Variants in SLC4A10 observed in about 807,000 individuals in gnomAD.
SLC4A10 encodes solute carrier family 4 member 10.
A neutral mutation model predicts 137.7 loss-of-function variants in SLC4A10; 42 were observed. That is an observed-to-expected ratio of 0.30 (90% CI 0.24 to 0.39). SLC4A10 has a LOEUF of 0.39. Ranked by LOEUF, SLC4A10 falls within the 10% of genes least tolerant of loss-of-function variation. The pLI, the probability that SLC4A10 is intolerant of heterozygous loss-of-function variation, is 1.00. For synonymous variants in SLC4A10, 474 were observed against 464.1 expected (o/e 1.02, Z -0.27); for missense variants, 925 against 1,355.0 (o/e 0.68, Z 4.98).
intron 1 of SLC4A10, among the ~76,000 whole-genome samples, chr2:161,758,019 A>T (rs2049855202): frequency 6.6e-6 from 1 of 151,894 alleles, no homozygotes; most frequent in African/African-American, 2.4e-5. Flanking sequence ...CTCATGTCTC[A>T]TTTCAAATCT....
intron 1 of SLC4A10, among the ~76,000 whole-genome samples, chr2:161,626,192 G>T (rs1267757175): frequency 3.9e-5 from 6 of 152,030 alleles, no homozygotes; most frequent in African/African-American, 1.2e-4. Context: ...CAGTGGGGGT[G>T]GGGTGGGGTG....
chr2:161,628,339 T>A (rs2032855601), intron 1 of SLC4A10, among the ~76,000 whole-genome samples: 1 of 152,076 alleles, frequency 6.6e-6, no homozygotes, highest in Non-Finnish European at 1.5e-5. Flanking sequence ...AGCTTACTCA[T>A]AACATTTCCC....
At chr2:161,829,216 T>C (rs1218955482) in intron 3 of SLC4A10, among the ~76,000 whole-genome samples, 1 of 152,144 alleles carries the variant, frequency 6.6e-6, no homozygotes, top group African/African-American at 2.4e-5. Flanking sequence ...TCTTACATTG[T>C]CTGTTATTAT....
At chr2:161,741,731 A>T (rs555426929) in intron 1 of SLC4A10, among the ~76,000 whole-genome samples, 1 of 152,258 alleles carries the variant, frequency 6.6e-6, no homozygotes, top group South Asian at 2.1e-4. Context: ...TACATGAGGT[A>T]TTTTGATGCA....
intron 21 of SLC4A10, among the ~76,000 whole-genome samples, chr2:161,962,997 A>C (rs1172023056): frequency 4.6e-5 from 7 of 152,190 alleles, no homozygotes; most frequent in African/African-American, 7.2e-5. Flanking sequence ...GTTACTGTAG[A>C]GATGGCATGA....
intron 4 of SLC4A10, among the ~76,000 whole-genome samples, chr2:161,840,789 T>C (rs1001042344): frequency 6.6e-6 from 1 of 152,356 alleles, no homozygotes; most frequent in Admixed American, 6.5e-5. Flanking sequence ...ACCAATCACC[T>C]GGAATATTGT....
intron 1 of SLC4A10, among the ~76,000 whole-genome samples, chr2:161,652,681 T>C (rs1452492746): frequency 1.3e-5 from 2 of 152,150 alleles, no homozygotes; most frequent in African/African-American, 4.8e-5. Context: ...CAATGTTGGG[T>C]AGCAGATGCC....
At chr2:161,852,754 G>A (rs2059902566) in intron 4 of SLC4A10, among the ~76,000 whole-genome samples, 1 of 152,056 alleles carries the variant, frequency 6.6e-6, no homozygotes, top group African/African-American at 2.4e-5. Flanking sequence ...AGGCTCTGGA[G>A]AAAAACAAAA....
intron 1 of SLC4A10, among the ~76,000 whole-genome samples, chr2:161,742,443 T>C (rs1395683975): frequency 3.2e-4 from 45 of 141,824 alleles, no homozygotes; most frequent in East Asian, 1.0e-3. Flanking sequence ...TTCTTTCTTT[T>C]TTTTTTTTTT....
At chr2:161,876,576 G>A (rs997291693) in intron 8 of SLC4A10, among the ~76,000 whole-genome samples, 2 of 152,050 alleles carry the variant, frequency 1.3e-5, no homozygotes, top group African/African-American at 4.8e-5. Flanking sequence ...TACTCAGAAG[G>A]CTGAAATGGA....
At position 161,821,016 on chromosome 2, in the gene SLC4A10, T is replaced by C. The variant is rs116676195; in HGVS notation, c.277+16421T>C. Among the ~76,000 whole-genome samples the C allele has an allele frequency of 5.2e-3, 792 of 152,356 alleles. 4 individuals carry two copies. Among genetic ancestry groups the C allele is most frequent in the Non-Finnish European group, 8.5e-3 (577 of 68,026 alleles). On this transcript the variant is annotated intron_variant, in intron 3 of 26. Transcript: ENST00000446997. ...GTAATTATATCTTATTGTTTTAATTTATATTTCTTGATTACCAATGAAATT... is the reference window on the plus strand; with the variant it reads ...GTAATTATATCTTATTGTTTTAATTCATATTTCTTGATTACCAATGAAATT...
At chr2:161,830,820 A>G (rs1256680447) in intron 3 of SLC4A10, among the ~76,000 whole-genome samples, 2 of 152,190 alleles carry the variant, frequency 1.3e-5, no homozygotes, top group Non-Finnish European at 2.9e-5. Flanking sequence ...TAGATGCAAA[A>G]TCAATTATTG....
Position 161,881,104 on chromosome 2 carries a change from G to A in SLC4A10, c.1107-1253G>A, listed in dbSNP as rs539815577. ...AAAGGTGAAAAATGGAAGATTAGTT[G>A]GACAAACAAAATAAAGAAAGCCATT... On this transcript the variant is annotated intron_variant, in intron 9 of 26. Coordinates refer to ENST00000446997, the MANE Select transcript of SLC4A10 (RefSeq NM_001178015.2). Among the ~76,000 whole-genome samples the A allele has an allele frequency of 8.6e-5, 13 of 152,008 alleles. No homozygotes were observed. In the South Asian group the frequency reaches 2.5e-3, roughly 29 times the overall value.
chr2:161,774,784 A>G (rs376996313), intron 2 of SLC4A10, among the ~76,000 whole-genome samples: 1 of 151,910 alleles, frequency 6.6e-6, no homozygotes, highest in African/African-American at 2.4e-5. Context: ...CCCTGTACCA[A>G]ACAAATTCTG....
chr2:161,702,014 A>G (rs2043174042), intron 1 of SLC4A10, among the ~76,000 whole-genome samples: 1 of 151,942 alleles, frequency 6.6e-6, no homozygotes. Context: ...TCAAAAACTA[A>G]AAATAGAACT....
intron 1 of SLC4A10, among the ~76,000 whole-genome samples, chr2:161,744,712 G>T (rs1484098083): frequency 1.3e-5 from 2 of 152,080 alleles, no homozygotes; most frequent in African/African-American, 2.4e-5. Flanking sequence ...GAAAAGCAAA[G>T]AGAAAACTAA....
Position 161,983,057 on chromosome 2 carries a change from G to C in SLC4A10, c.*27-122G>C, listed in dbSNP as rs548729882. 27 of 758,024 alleles carry C rather than the reference G, an allele frequency of 3.6e-5. 1 individual carries two copies. The highest frequency in any genetic ancestry group is 3.3e-4 in the South Asian group (18 of 55,080). 47.0% of individuals were successfully genotyped at this position (758,024 alleles called of 1,614,324 possible). On this transcript the variant is annotated intron_variant, in intron 26 of 26. Coordinates refer to ENST00000446997, the MANE Select transcript of SLC4A10 (RefSeq NM_001178015.2). ...TCTATCTGTGCTTCGCAGCATGAGA[G>C]AGCAATGCCTACGGGCTCTTGTGGT...
intron 15 of SLC4A10, among the ~76,000 whole-genome samples, chr2:161,911,442 A>G (rs1480922344): frequency 6.6e-6 from 1 of 152,056 alleles, no homozygotes; most frequent in East Asian, 1.9e-4. Context: ...ATGTGGGGAG[A>G]AACAAGATGA....
intron 2 of SLC4A10, among the ~76,000 whole-genome samples, chr2:161,784,139 A>C (rs1019602329): frequency 6.6e-6 from 1 of 151,892 alleles, no homozygotes; most frequent in Non-Finnish European, 1.5e-5. Flanking sequence ...CAAAAGACTG[A>C]GAAAGACATC....
Sources: gnomAD v4.1 joint callset for allele counts (sites outside exome capture counted in the v4.1 genomes callset) on GRCh38, gnomAD v4.1.1 for gene constraint, MANE v1.5 for transcripts, NCBI Gene and HGNC (gene_info 2026-07-23, HGNC 2026-07-21) for gene names.